The following ABCA4 variants were observed in gnomAD, a reference collection of about 807,000 sequenced individuals.
ABCA4 encodes ATP binding cassette subfamily A member 4.
Under a neutral mutation model 263.7 loss-of-function variants are expected in ABCA4, and 196 were observed. That is an observed-to-expected ratio of 0.74 (90% CI 0.66 to 0.84). ABCA4 has a LOEUF of 0.84. Among genes scored for constraint, ABCA4 ranks in the 40% least tolerant of loss-of-function variants. The pLI is 0.00. For missense variants in ABCA4, 2,792 were observed against 2,855.1 expected (o/e 0.98, Z 0.50); for synonymous variants, 1,133 against 1,094.2 (o/e 1.04, Z -0.70).
At chr1:94,044,106 C>A in intron 20 of ABCA4, among the ~76,000 whole-genome samples, 1 of 18,184 alleles carries the variant, frequency 5.5e-5, no homozygotes, top group East Asian at 6.8e-3. Flanking sequence ...TCCTTCCTTC[C>A]TTCCTTCCTT....
rs1553197153 is a variant in ABCA4 at position 94,117,011 on chromosome 1, T to TTTCTTTCTTTC, written c.67-3956_67-3946dup. Among the ~76,000 whole-genome samples the TTTCTTTCTTTC allele has an allele frequency of 1.1e-3, 145 of 137,768 alleles. 1 individual carries two copies. Among genetic ancestry groups the TTTCTTTCTTTC allele is most frequent in the African/African-American group, 3.4e-3 (128 of 37,600 alleles). 90.4% of individuals were successfully genotyped at this position (137,768 alleles called of 152,430 possible). A position where few individuals can be genotyped will look rare whatever the true frequency, so the allele number is the denominator to read the frequency against. On this transcript the variant is annotated intron_variant, in intron 1 of 49. Transcript: ENST00000370225. The stretch of plus-strand genomic sequence containing the variant: ...CTTTCTTTCTTTCTTTCTTTCTTTC[T>TTTCTTTCTTTC]TTCTTTCTTTCTTTCCTTTTCTTTC...
chr1:94,002,763 C>G (rs1659227377), intron 44 of ABCA4, among the ~76,000 whole-genome samples: 1 of 152,162 alleles, frequency 6.6e-6, no homozygotes, highest in African/African-American at 2.4e-5. Flanking sequence ...GCCACCCTAC[C>G]TCAAAATGCA....
rs193009561 is a variant in ABCA4, at chr1:94,098,903, C to T, written c.659G>A (p.Arg220His). 2.2e-5 allele frequency: 36 copies of T among 1,613,966 alleles called. No individual in the cohort carries two copies. Among genetic ancestry groups the T allele is most frequent in the Middle Eastern group, 3.3e-4 (2 of 6,062 alleles). Reference protein sequence around the residue: ...LERFIIFSQRRGAKTVRYALC... With the variant: ...LERFIIFSQRHGAKTVRYALC... ...GGCATAGCGCACCGTCTTTGCCCCG[C>T]GTCTCTGGCTGAAGATGATGAAGCG... is the stretch of plus-strand genomic sequence containing the variant. The change falls in exon 6 of 50, where the codon CGC (arginine) becomes CAC (histidine). Residue 220 changes from arginine to histidine, a missense_variant. Arg to His is a conservative substitution (Grantham distance 29). Transcript: ENST00000370225.
intron 39 of ABCA4, 111 bp from the exon 40 acceptor site, chr1:94,011,040 C>T: frequency 6.3e-7 from 1 of 1,590,952 alleles, no homozygotes; most frequent in Admixed American, 1.7e-5. Flanking sequence ...TGAGCAAGAG[C>T]CAAACACCCG....
intron 4 of ABCA4, among the ~76,000 whole-genome samples, chr1:94,108,150 A>T (rs1238835354): frequency 6.6e-6 from 1 of 152,134 alleles, no homozygotes; most frequent in African/African-American, 2.4e-5. Flanking sequence ...ATAATACATG[A>T]TCTCTGACCT....
rs140719187 is a variant in ABCA4 at position 94,081,111 on chromosome 1, G to C, written c.859-393C>G. On this transcript the variant is annotated intron_variant, in intron 7 of 49. Transcript: ENST00000370225. ...ATGGTGGCGGGCCCCTGTACTCCCA[G>C]CTATTCGGGAGGCTGAGGCAGGAGA... 1.9e-4 allele frequency among the ~76,000 whole-genome samples: 29 copies of C among 152,224 alleles called. No homozygotes were observed. In the East Asian group the frequency reaches 5.2e-3, roughly 27 times the overall value.
At chr1:94,057,875 G>T (rs1203736371) in intron 14 of ABCA4, among the ~76,000 whole-genome samples, 1 of 152,202 alleles carries the variant, frequency 6.6e-6, no homozygotes, top group Non-Finnish European at 1.5e-5. Context: ...ACGTAAATGA[G>T]TACATAGAAT....
chr1:94,046,901 C>A lies in ABCA4; in HGVS notation c.2918+18G>T. Reference sequence around the variant, plus strand: ...GACAGGCTAGCATGGCAGCCAGCTTCTCTGCTGGAAGACTCACAAGGTGGT... The same window carrying A: ...GACAGGCTAGCATGGCAGCCAGCTTATCTGCTGGAAGACTCACAAGGTGGT... On this transcript the variant is annotated intron_variant, in intron 19 of 49. Coordinates refer to ENST00000370225, the MANE Select transcript of ABCA4 (RefSeq NM_000350.3). 1 of 1,613,214 alleles carries A rather than the reference C, an allele frequency of 6.2e-7. No individual in the cohort carries two copies.
At chr1:94,089,962 C>T (rs1433128075) in intron 6 of ABCA4, among the ~76,000 whole-genome samples, 1 of 152,180 alleles carries the variant, frequency 6.6e-6, no homozygotes, top group Admixed American at 6.5e-5. Flanking sequence ...ATCCCAGCAG[C>T]TCAGGGCACA....
At chr1:94,002,971 A>T (rs1001628364) in intron 44 of ABCA4, among the ~76,000 whole-genome samples, 1 of 147,882 alleles carries the variant, frequency 6.8e-6, no homozygotes, top group Non-Finnish European at 1.5e-5. Flanking sequence ...TCATAGAATT[A>T]TTAACTAATA....
At chr1:94,009,808 C>T (rs972398952) in intron 40 of ABCA4, among the ~76,000 whole-genome samples, 1 of 152,170 alleles carries the variant, frequency 6.6e-6, no homozygotes, top group Admixed American at 6.5e-5. Flanking sequence ...ACCTCCTGAC[C>T]TGCTCTCTCC....
At chr1:93,996,808 A>G (rs1179030793) in intron 48 of ABCA4, among the ~76,000 whole-genome samples, 4 of 152,218 alleles carry the variant, frequency 2.6e-5, no homozygotes, top group African/African-American at 9.7e-5. Context: ...CGGCCTGAAA[A>G]AGGAAGGAAA....
At chr1:94,022,002 A>G (rs1475413065) in intron 32 of ABCA4, 51 bp from the exon 33 acceptor site, 2 of 1,462,646 alleles carry the variant, frequency 1.4e-6, no homozygotes, top group South Asian at 1.1e-5. Context: ...CTTCACGCCT[A>G]CTAGTAGCTC....
At chr1:94,036,413 G>C (rs1456089591) in intron 26 of ABCA4, among the ~76,000 whole-genome samples, 1 of 143,398 alleles carries the variant, frequency 7.0e-6, no homozygotes, top group Admixed American at 7.1e-5. Context: ...TTTTGCTCTT[G>C]TCGCTCAGGC....
At position 94,080,707 on chromosome 1, in the gene ABCA4, C is replaced by T. The variant is rs794727902; in HGVS notation, c.870G>A (p.Arg290=). ...MSPRIQEFIH[R]PSMQDLLWVT... Reference sequence around the variant, plus strand: ...CCCACAGCAAGTCCTGCATACTCGGCCGATGGATAAACTAGGGCAAGGCAA... The same window carrying T: ...CCCACAGCAAGTCCTGCATACTCGGTCGATGGATAAACTAGGGCAAGGCAA... The change falls in exon 8 of 50, where the codon CGG becomes CGA. Residue 290 remains arginine, a synonymous_variant. Transcript: ENST00000370225. 12 of 1,614,104 alleles carry T rather than the reference C, an allele frequency of 7.4e-6. No individual in the cohort carries two copies. Among genetic ancestry groups the T allele is most frequent in the Non-Finnish European group, 9.3e-6 (11 of 1,180,038 alleles).
chr1:94,108,610 C>T lies in ABCA4; in HGVS notation c.409G>A (p.Asp137Asn), dbSNP rs1308282008. Residue 137 changes from aspartate to asparagine, a missense_variant, in exon 4 of 50, where the codon GAC becomes AAC. By Grantham distance (23) the Asp-to-Asn change is conservative. Coordinates refer to ENST00000370225, the MANE Select transcript of ABCA4 (RefSeq NM_000350.3). ...CTCTCCGGGTGAGTCCGGAGGGTGT[C>T]CATGAATTGGGACAAGATGTGTAGC... The part of the protein sequence containing the change: ...TELHILSQFM[D>N]TLRTHPERIA... 1 of 1,613,742 alleles carries T rather than the reference C, an allele frequency of 6.2e-7. No homozygotes were observed.
intron 31 of ABCA4, 124 bp from the exon 32 acceptor site, chr1:94,023,542 G>A (rs1171258235): frequency 1.3e-5 from 11 of 867,848 alleles, no homozygotes; most frequent in Non-Finnish European, 1.1e-5. Context: ...TGCATTTTCC[G>A]ATATCCAAGC....
chr1:94,033,294 T>C (rs528273070), intron 26 of ABCA4, among the ~76,000 whole-genome samples: 1 of 151,758 alleles, frequency 6.6e-6, no homozygotes, highest in East Asian at 1.9e-4. Context: ...CACGGTGGCG[T>C]GTGCCTGTAG....
intron 34 of ABCA4, 29 bp from the exon 35 acceptor site, chr1:94,021,438 C>T (rs2101023250): frequency 6.2e-7 from 1 of 1,613,942 alleles, no homozygotes; most frequent in Non-Finnish European, 8.5e-7. Context: ...ATCTGAGACG[C>T]TGCACTAACA....
Sources: allele counts gnomAD v4.1 joint callset (sites outside exome capture counted in the v4.1 genomes callset), GRCh38; gene constraint gnomAD v4.1.1; transcripts MANE v1.5; gene names NCBI Gene and HGNC (gene_info 2026-07-23, HGNC 2026-07-21).